ADGRG7: variants seen among roughly 807,000 people sequenced by gnomAD.
ADGRG7 encodes adhesion G protein-coupled receptor G7.
Under a neutral mutation model 88.6 loss-of-function variants are expected in ADGRG7, and 82 were observed. The ratio of observed to expected loss-of-function variants is 0.93; its 90% CI spans 0.77 to 1.11. The LOEUF (loss-of-function observed/expected upper bound fraction) is 1.11, where lower values mean the gene tolerates loss of function less well. ADGRG7 is among the 50% of genes most tolerant of loss of function. The pLI is 0.00. For synonymous variants in ADGRG7, 381 were observed against 345.2 expected (o/e 1.10, Z -1.15); for missense variants, 945 against 953.4 (o/e 0.99, Z 0.12).
chr3:100,684,597 CT>C (rs1228005984), intron 15 of ADGRG7, among the ~76,000 whole-genome samples: 2 of 152,022 alleles, frequency 1.3e-5, no homozygotes, highest in Non-Finnish European at 2.9e-5. Flanking sequence ...AAATGTTAAA[CT>C]TTTGGCTATT....
intron 11 of ADGRG7, among the ~76,000 whole-genome samples, chr3:100,650,542 T>A (rs1470201123): frequency 1.3e-5 from 2 of 152,210 alleles, no homozygotes; most frequent in African/African-American, 4.8e-5. Flanking sequence ...CAATGAAGAT[T>A]TGTCTGAAAT....
intron 1 of ADGRG7, among the ~76,000 whole-genome samples, chr3:100,619,384 A>G (rs2149012572): frequency 6.6e-6 from 1 of 152,348 alleles, no homozygotes; most frequent in South Asian, 2.1e-4. Context: ...AACACACCAG[A>G]ATCTCTGGGA....
chr3:100,682,291 C>T (rs2094974482), intron 15 of ADGRG7, among the ~76,000 whole-genome samples: 4 of 152,152 alleles, frequency 2.6e-5, no homozygotes, highest in Admixed American at 2.6e-4. Context: ...GGAACTGGGT[C>T]TGGGGCGGTG....
At chr3:100,680,761 T>G (rs983600001) in intron 15 of ADGRG7, among the ~76,000 whole-genome samples, 2 of 152,190 alleles carry the variant, frequency 1.3e-5, no homozygotes, top group African/African-American at 4.8e-5. Context: ...CGTTCTCTCA[T>G]AGTATACGTT....
chr3:100,613,599 C>T (rs1676344), intron 1 of ADGRG7, among the ~76,000 whole-genome samples: 12 of 151,316 alleles, frequency 7.9e-5, no homozygotes, highest in Non-Finnish European at 1.8e-4. Flanking sequence ...TCCAGTTTGG[C>T]TATGTAATTG....
intron 15 of ADGRG7, among the ~76,000 whole-genome samples, chr3:100,694,060 G>T (rs1466040651): frequency 1.3e-5 from 2 of 152,178 alleles, no homozygotes; most frequent in Non-Finnish European, 2.9e-5. Flanking sequence ...TAGTTTATCT[G>T]AACTTTAGTT....
intron 15 of ADGRG7, among the ~76,000 whole-genome samples, chr3:100,691,734 T>G (rs1298968753): frequency 6.6e-6 from 1 of 151,360 alleles, no homozygotes; most frequent in African/African-American, 2.4e-5. Context: ...TGACTTTCAT[T>G]CTAGCCTTAT....
rs769276093 is a variant in ADGRG7, at chr3:100,643,394, C to G, written c.827C>G (p.Ser276Cys). The G allele has an allele frequency of 2.5e-6, 4 of 1,613,970 alleles. No individual in the cohort carries two copies. In the South Asian group the frequency reaches 3.3e-5, roughly 13 times the overall value. ...NAVGPSNVRFSVQKGASSSLV... is the reference protein window; with the variant it reads ...NAVGPSNVRFCVQKGASSSLV... ...GTGGGGCCTTCAAATGTTCGCTTCT[C>G]TGTGCAGAAAGGTGAGCTGTTAATC... is the stretch of plus-strand genomic sequence containing the variant. Residue 276 changes from serine to cysteine, a missense_variant, in exon 7 of 16, where the codon TCT becomes TGT. By Grantham distance (112) the Ser-to-Cys change is moderately radical. Coordinates refer to ENST00000273352, the MANE Select transcript of ADGRG7 (RefSeq NM_032787.3).
chr3:100,677,839 C>T (rs1224344374), intron 15 of ADGRG7, among the ~76,000 whole-genome samples: 2 of 152,054 alleles, frequency 1.3e-5, no homozygotes, highest in Non-Finnish European at 2.9e-5. Context: ...TCTCTTGCTG[C>T]TTTTAGGATC....
At chr3:100,626,560 G>A (rs1707383117) in intron 1 of ADGRG7, among the ~76,000 whole-genome samples, 1 of 152,134 alleles carries the variant, frequency 6.6e-6, no homozygotes, top group African/African-American at 2.4e-5. Context: ...GCCAAGGTGG[G>A]CGGATCGTGA....
intron 13 of ADGRG7, 90 bp downstream of exon 13, chr3:100,656,085 A>T: frequency 1.4e-6 from 1 of 700,312 alleles, no homozygotes; most frequent in Non-Finnish European, 2.5e-6. Context: ...TGTAATTTGC[A>T]TTTCACTTTA....
chr3:100,631,260 C>G (rs1707456765), intron 3 of ADGRG7, among the ~76,000 whole-genome samples: 1 of 152,122 alleles, frequency 6.6e-6, no homozygotes, highest in Non-Finnish European at 1.5e-5. Context: ...TTTTAGTTAT[C>G]CATCTTGGAA....
At chr3:100,619,827 C>G (rs553989667) in intron 1 of ADGRG7, among the ~76,000 whole-genome samples, 8 of 152,082 alleles carry the variant, frequency 5.3e-5, no homozygotes, top group African/African-American at 1.9e-4. Context: ...ATAAATTCCT[C>G]GACACGTACA....
intron 15 of ADGRG7, among the ~76,000 whole-genome samples, chr3:100,680,081 T>A (rs2094971065): frequency 6.6e-6 from 1 of 152,228 alleles, no homozygotes; most frequent in African/African-American, 2.4e-5. Flanking sequence ...GGGTATTAAA[T>A]TCTCCACCTA....
At chr3:100,641,448 G>C (rs890808590) in intron 6 of ADGRG7, among the ~76,000 whole-genome samples, 1 of 152,182 alleles carries the variant, frequency 6.6e-6, no homozygotes, top group Non-Finnish European at 1.5e-5. Context: ...GAGCTAAATG[G>C]TCTGAGTTAG....
intron 1 of ADGRG7, among the ~76,000 whole-genome samples, chr3:100,623,194 G>A (rs930120654): frequency 4.6e-5 from 7 of 152,070 alleles, no homozygotes; most frequent in Non-Finnish European, 7.4e-5. Flanking sequence ...AGTTGCAAAT[G>A]TATTCTCCTA....
At chr3:100,657,753 T>A (rs1358198533) in intron 13 of ADGRG7, among the ~76,000 whole-genome samples, 1 of 152,258 alleles carries the variant, frequency 6.6e-6, no homozygotes, top group Admixed American at 6.5e-5. Context: ...GGCACTATTT[T>A]ATTTATGGAT....
intron 15 of ADGRG7, among the ~76,000 whole-genome samples, chr3:100,684,851 G>A (rs531450677): frequency 6.6e-5 from 10 of 151,758 alleles, no homozygotes; most frequent in Non-Finnish European, 1.5e-4. Flanking sequence ...TAAAACAATA[G>A]ATATTGATTC....
At chr3:100,646,955 C>T (rs1145346) in intron 10 of ADGRG7, among the ~76,000 whole-genome samples, 51,871 of 151,890 alleles carry the variant, frequency 0.34, 9,153 homozygotes, top group Non-Finnish European at 0.39. Flanking sequence ...GTCAGGAGTT[C>T]GAGACCAGCC....
Sources: gnomAD v4.1 joint callset for allele counts (sites outside exome capture counted in the v4.1 genomes callset) on GRCh38, gnomAD v4.1.1 for gene constraint, MANE v1.5 for transcripts, NCBI Gene and HGNC (gene_info 2026-07-23, HGNC 2026-07-21) for gene names.